Variants in PDE1C observed in about 807,000 individuals in gnomAD.
PDE1C encodes the protein dual specificity calcium/calmodulin-dependent 3',5'-cyclic nucleotide phosphodiesterase 1C.
A neutral mutation model predicts 93.1 loss-of-function variants in PDE1C; 62 were observed. The observed-to-expected ratio is 0.67, with a 90% confidence interval of 0.54 to 0.82. PDE1C has a LOEUF of 0.82. Ranked by LOEUF, PDE1C falls within the 40% of genes least tolerant of loss-of-function variation. The probability of loss-of-function intolerance (pLI) is 0.00; values close to 1 mark genes in which losing one functional copy is unlikely to be tolerated. For missense variants in PDE1C, 742 were observed against 884.6 expected (o/e 0.84, Z 2.04); for synonymous variants, 325 against 310.1 (o/e 1.05, Z -0.50).
intron 2 of PDE1C, among the ~76,000 whole-genome samples, chr7:31,916,546 G>A (rs1801938774): frequency 6.6e-6 from 1 of 152,166 alleles, no homozygotes; most frequent in Non-Finnish European, 1.5e-5. Flanking sequence ...GAGAACAGAT[G>A]CATTTATTCT....
the PDE1C span, among the ~76,000 whole-genome samples, chr7:31,702,751 T>C: frequency 2.0e-5 from 3 of 152,252 alleles, no homozygotes; most frequent in Non-Finnish European, 2.9e-5. Flanking sequence ...TTGATCTTGA[T>C]ATCTAGTCCA....
chr7:32,245,277 C>G (rs939481920), intron 1 of PDE1C, among the ~76,000 whole-genome samples: 1 of 152,072 alleles, frequency 6.6e-6, no homozygotes, highest in East Asian at 1.9e-4. Context: ...GGCAGACAGC[C>G]CTTCTCTTTG....
chr7:32,222,063 T>C (rs963017250), intron 1 of PDE1C, among the ~76,000 whole-genome samples: 17 of 152,166 alleles, frequency 1.1e-4, no homozygotes. Flanking sequence ...TCACTTGAGG[T>C]GCTCAAAGGC....
chr7:31,731,982 A>G, the PDE1C span, among the ~76,000 whole-genome samples: 1 of 152,194 alleles, frequency 6.6e-6, no homozygotes, highest in Non-Finnish European at 1.5e-5. Context: ...AGGAGGAAAT[A>G]CTGATGAGGA....
intron 3 of PDE1C, among the ~76,000 whole-genome samples, chr7:32,156,446 T>A (rs146369157): frequency 6.6e-6 from 1 of 152,316 alleles, no homozygotes; most frequent in Non-Finnish European, 1.5e-5. Flanking sequence ...GAATTAGACC[T>A]GGATCTGCTG....
intron 1 of PDE1C, among the ~76,000 whole-genome samples, chr7:32,322,323 G>A (rs1332160636): frequency 6.6e-6 from 1 of 152,130 alleles, no homozygotes; most frequent in Non-Finnish European, 1.5e-5. Context: ...TGTTAGCCAG[G>A]CACAGTGACC....
At chr7:31,940,887 A>G (rs73686831) in intron 2 of PDE1C, among the ~76,000 whole-genome samples, 4,781 of 151,896 alleles carry the variant, frequency 0.031, 231 homozygotes, top group African/African-American at 0.11. Context: ...TCCTTGCCCC[A>G]TCTCCAGGTC....
At chr7:32,206,359 C>T (rs533388439) in intron 2 of PDE1C, among the ~76,000 whole-genome samples, 10 of 152,254 alleles carry the variant, frequency 6.6e-5, no homozygotes, top group Admixed American at 2.0e-4. Context: ...CAACCAGACA[C>T]GGCCCATGGG....
At chr7:31,884,709 C>T (rs1435706702) in intron 2 of PDE1C, among the ~76,000 whole-genome samples, 1 of 152,182 alleles carries the variant, frequency 6.6e-6, no homozygotes, top group Non-Finnish European at 1.5e-5. Context: ...TTTGGAATAT[C>T]CAGCCCTGCC....
At chr7:31,941,438 G>A (rs1805831111) in intron 2 of PDE1C, 1 of 158,718 alleles carries the variant, frequency 6.3e-6, no homozygotes, top group African/African-American at 2.4e-5. Context: ...AGTTTCTGTG[G>A]ACAGTCTAGA....
intron 3 of PDE1C, among the ~76,000 whole-genome samples, chr7:32,168,190 C>T (rs1802423492): frequency 6.6e-6 from 1 of 152,158 alleles, no homozygotes; most frequent in Non-Finnish European, 1.5e-5. Flanking sequence ...TCCTACAGCA[C>T]CAAGTGTTAC....
At position 31,837,082 on chromosome 7, in the gene PDE1C, C is replaced by G. The variant is rs1348680059; in HGVS notation, c.1203+98G>C. The G allele has an allele frequency of 2.4e-6, 3 of 1,236,128 alleles. No individual in the cohort carries two copies. The East Asian group carries it at 7.7e-5, about 32-fold the overall frequency. 76.6% of individuals were successfully genotyped at this position (1,236,128 alleles called of 1,614,324 possible). ...AGCCCCCCTCCCCTCTCCAAAATTA[C>G]TGTAATCTCAATAGTCCTTATCCTA... On this transcript the variant is annotated intron_variant, in intron 11 of 17. Transcript: ENST00000396191.
At chr7:31,940,764 G>T (rs1236545168) in intron 2 of PDE1C, among the ~76,000 whole-genome samples, 1 of 152,094 alleles carries the variant, frequency 6.6e-6, no homozygotes, top group East Asian at 1.9e-4. Flanking sequence ...ATAATGAATG[G>T]CAAGATGAAT....
chr7:32,004,598 A>C (rs980983679), intron 2 of PDE1C, among the ~76,000 whole-genome samples: 10 of 152,186 alleles, frequency 6.6e-5, no homozygotes, highest in African/African-American at 2.4e-4. Context: ...TAGCTGCAAC[A>C]GATAAGCCTG....
chr7:32,052,448 T>G, intron 1 of PDE1C: 2 of 432,168 alleles, frequency 4.6e-6, no homozygotes, highest in South Asian at 3.3e-5. Flanking sequence ...GTGTCAATTT[T>G]TGTAGACTCT....
At chr7:32,056,653 G>A (rs1031437885) in intron 1 of PDE1C, among the ~76,000 whole-genome samples, 2 of 152,188 alleles carry the variant, frequency 1.3e-5, no homozygotes, top group African/African-American at 2.4e-5. Context: ...ATTTAGCATA[G>A]TGCTGGGCAT....
At chr7:32,308,999 GA>G (rs1194713288) in intron 1 of PDE1C, among the ~76,000 whole-genome samples, 3 of 151,250 alleles carry the variant, frequency 2.0e-5, no homozygotes, top group Non-Finnish European at 4.4e-5. Context: ...TAAAAACTGT[GA>G]AAAAAAATTA....
At chr7:31,684,372 C>A in the PDE1C span, among the ~76,000 whole-genome samples, 1 of 152,172 alleles carries the variant, frequency 6.6e-6, no homozygotes, top group African/African-American at 2.4e-5. Flanking sequence ...CAAAGAGCCT[C>A]AGAAAAATCT....
intron 1 of PDE1C, among the ~76,000 whole-genome samples, chr7:32,398,086 G>C (rs1784869507): frequency 6.6e-6 from 1 of 151,700 alleles, no homozygotes; most frequent in Admixed American, 6.6e-5. Flanking sequence ...CCAGCAGGCG[G>C]AGCTTGCAGT....
Sources: gnomAD v4.1 joint callset for allele counts (sites outside exome capture counted in the v4.1 genomes callset) on GRCh38, gnomAD v4.1.1 for gene constraint, MANE v1.5 for transcripts, NCBI Gene and HGNC (gene_info 2026-07-23, HGNC 2026-07-21) for gene names.